STMN2: variants seen among roughly 807,000 people sequenced by gnomAD.
STMN2 encodes stathmin 2.
A neutral mutation model predicts 24.1 loss-of-function variants in STMN2; 2 were observed. The observed-to-expected ratio is 0.08, with a 90% CI of 0.03 to 0.26. The LOEUF (loss-of-function observed/expected upper bound fraction) is 0.26. Among genes scored for constraint, STMN2 ranks in the 10% least tolerant of loss-of-function variants. The pLI is 1.00. For synonymous variants in STMN2, 83 were observed against 77.5 expected (o/e 1.07, Z -0.37); for missense variants, 114 against 213.6 (o/e 0.53, Z 2.91).
At chr8:79,619,583 C>T (rs1431813237) in intron 1 of STMN2, among the ~76,000 whole-genome samples, 1 of 152,110 alleles carries the variant, frequency 6.6e-6, no homozygotes, top group Non-Finnish European at 1.5e-5. Context: ...CATTTCCAGA[C>T]TCTCGGGAAG....
intron 1 of STMN2, chr8:79,631,525 GAT>G (rs1253248054): frequency 3.6e-6 from 3 of 825,588 alleles, no homozygotes; most frequent in African/African-American, 1.9e-5. Context: ...GTGATCTTCT[GAT>G]ATGTTAAAAA....
intron 3 of STMN2, among the ~76,000 whole-genome samples, chr8:79,651,681 A>C (rs1213513283): frequency 6.6e-6 from 1 of 152,256 alleles, no homozygotes; most frequent in East Asian, 1.9e-4. Context: ...ACTTAATTGG[A>C]GCATCTGAAA....
In STMN2 at chr8:79,654,913, G is replaced by A. The variant is rs1010256456; in HGVS notation, c.331G>A (p.Glu111Lys). The A allele has an allele frequency of 3.1e-6, 5 of 1,613,740 alleles. No individual in the cohort carries two copies. The highest frequency in any genetic ancestry group is 4.2e-6 in the Non-Finnish European group (5 of 1,179,802). The change falls in exon 4 of 5, where the codon GAA becomes AAA. Residue 111 changes from glutamate (E) to lysine (K), a missense_variant. Physicochemically the swap from Glu to Lys is moderately conservative, Grantham distance 56 (BLOSUM62 1). Transcript: ENST00000220876. ...GCTGAAACAATTGGCAGAGAAGAGG[G>A]AACACGAGCGAGAAGTCCTTCAGAA... ...QVLKQLAEKREHEREVLQKAL... is the reference protein window; with the variant it reads ...QVLKQLAEKRKHEREVLQKAL...
chr8:79,655,110 C>T, intron 4 of STMN2, 48 bp downstream of exon 4: 8 of 1,588,848 alleles, frequency 5.0e-6, no homozygotes, highest in Non-Finnish European at 6.9e-6. Flanking sequence ...ATATGCAGCA[C>T]AGCTGGGTGA....
chr8:79,648,499 C>T (rs1254376024), intron 3 of STMN2, among the ~76,000 whole-genome samples: 1 of 136,856 alleles, frequency 7.3e-6, no homozygotes, highest in African/African-American at 2.8e-5. Flanking sequence ...CTCTGCCACT[C>T]AGGCTCAGGC....
intron 1 of STMN2, among the ~76,000 whole-genome samples, chr8:79,614,456 G>T (rs1809334391): frequency 1.3e-5 from 2 of 152,168 alleles, no homozygotes; most frequent in African/African-American, 4.8e-5. Flanking sequence ...TGAAAGAAAT[G>T]GCAGTAGTTT....
Position 79,654,915 on chromosome 8 carries a change from A to T in STMN2, c.333A>T (p.Glu111Asp). Residue 111 changes from glutamate to aspartate, a missense_variant, in exon 4 of 5, where the codon GAA becomes GAT. Transcript: ENST00000220876. ...QVLKQLAEKR[E>D]HEREVLQKAL... Reference sequence around the variant, plus strand: ...TGAAACAATTGGCAGAGAAGAGGGAACACGAGCGAGAAGTCCTTCAGAAGG... The same window carrying T: ...TGAAACAATTGGCAGAGAAGAGGGATCACGAGCGAGAAGTCCTTCAGAAGG... 6.2e-7 allele frequency: 1 copy of T among 1,613,798 alleles called. No homozygotes were observed. The highest frequency in any genetic ancestry group is 2.2e-5 in the East Asian group (1 of 44,828).
intron 1 of STMN2, among the ~76,000 whole-genome samples, chr8:79,622,021 T>C (rs1323681281): frequency 6.6e-6 from 1 of 152,150 alleles, no homozygotes; most frequent in Non-Finnish European, 1.5e-5. Context: ...TAAAATCCTA[T>C]GAAAATTAAA....
At chr8:79,635,213 T>G (rs1563439417) in intron 1 of STMN2, among the ~76,000 whole-genome samples, 1 of 151,896 alleles carries the variant, frequency 6.6e-6, no homozygotes, top group Non-Finnish European at 1.5e-5. Flanking sequence ...AGTGAAGGAT[T>G]GAGGAGGTGA....
intron 4 of STMN2, among the ~76,000 whole-genome samples, chr8:79,660,015 T>C (rs1208928935): frequency 2.0e-5 from 3 of 152,204 alleles, no homozygotes; most frequent in African/African-American, 7.2e-5. Context: ...CTTAATTAAA[T>C]TAGATAGTTA....
In STMN2 at chr8:79,611,165, C is replaced by T. The variant is rs1464826350; in HGVS notation, c.-31C>T. 1.9e-6 allele frequency: 3 copies of T among 1,613,974 alleles called. No individual in the cohort carries two copies. The highest frequency in any genetic ancestry group is 1.1e-5 in the South Asian group (1 of 91,048). On this transcript the variant is annotated 5_prime_UTR_variant, in exon 1 of 5. Transcript: ENST00000220876. ...CTGCTGTAGCCGGACCCTTTGCCTT[C>T]GCCACTGCTCAGCGTCTGCACATCC... is the stretch of plus-strand genomic sequence containing the variant.
At chr8:79,627,056 T>C (rs1372469509) in intron 1 of STMN2, among the ~76,000 whole-genome samples, 1 of 152,192 alleles carries the variant, frequency 6.6e-6, no homozygotes, top group African/African-American at 2.4e-5. Flanking sequence ...ATTTAGGAAT[T>C]GTCACCACAT....
intron 1 of STMN2, among the ~76,000 whole-genome samples, chr8:79,630,286 T>A (rs1193349636): frequency 6.6e-6 from 1 of 152,172 alleles, no homozygotes; most frequent in Non-Finnish European, 1.5e-5. Flanking sequence ...TATTTTGCAG[T>A]GTGATAAAAG....
intron 1 of STMN2, chr8:79,613,616 CGTT>C (rs1809305418): frequency 5.1e-6 from 5 of 985,416 alleles, no homozygotes; most frequent in Non-Finnish European, 6.0e-6. Context: ...CATTTCAAAT[CGTT>C]GTTATTATTT....
At position 79,664,866 on chromosome 8, in the gene STMN2, T is replaced by C; in HGVS notation, c.532T>C (p.Ser178Pro). 6.2e-7 allele frequency: 1 copy of C among 1,613,222 alleles called. No individual in the cohort carries two copies. The highest frequency in any genetic ancestry group is 8.5e-7 in the Non-Finnish European group (1 of 1,179,564). Residue 178 changes from serine to proline, a missense_variant, in exon 5 of 5, where the codon TCT (serine) becomes CCT (proline). Ser to Pro is a moderately conservative substitution (Grantham distance 74). Coordinates refer to ENST00000220876, the MANE Select transcript of STMN2 (RefSeq NM_007029.4). ...GAACAAGGAACTCCAGGTTGAACTG[T>C]CTGGCTGAAGCAAGGGAGGGTCTGG... ...RRNKELQVELSG is the reference protein window; with the variant it reads ...RRNKELQVELPG
chr8:79,612,008 G>T (rs955447163), intron 1 of STMN2, among the ~76,000 whole-genome samples: 2 of 152,108 alleles, frequency 1.3e-5, no homozygotes, highest in Non-Finnish European at 2.9e-5. Flanking sequence ...CCGGGGGGAG[G>T]CACCTGCAGC....
At chr8:79,654,549 T>C (rs1426654277) in intron 3 of STMN2, among the ~76,000 whole-genome samples, 1 of 152,220 alleles carries the variant, frequency 6.6e-6, no homozygotes, top group Non-Finnish European at 1.5e-5. Context: ...TGTAATTCAT[T>C]ATAGCATTTT....
chr8:79,631,554 G>A lies in STMN2; in HGVS notation c.20-5248G>A, dbSNP rs1809802312. 3 of 700,678 alleles carry A rather than the reference G, an allele frequency of 4.3e-6. No homozygotes were observed. The African/African-American group carries it at 5.8e-5, about 14-fold the overall frequency. The allele number at this position is 700,678 out of a possible 1,614,324, so 43.4% of individuals were successfully genotyped here. Reference sequence around the variant, plus strand: ...TGTTAAAAAGGGTATTTTAAAATCTGAGTTATTTCTTTTTCTTTTTAAAGT... The same window carrying A: ...TGTTAAAAAGGGTATTTTAAAATCTAAGTTATTTCTTTTTCTTTTTAAAGT... On this transcript the variant is annotated intron_variant, in intron 1 of 4. Transcript: ENST00000220876.
chr8:79,658,239 G>C (rs993018606), intron 4 of STMN2, among the ~76,000 whole-genome samples: 1 of 152,076 alleles, frequency 6.6e-6, no homozygotes, highest in African/African-American at 2.4e-5. Flanking sequence ...GTTCGAGACT[G>C]CACTCCAACC....
Sources: gnomAD v4.1 joint callset for allele counts (sites outside exome capture counted in the v4.1 genomes callset) on GRCh38, gnomAD v4.1.1 for gene constraint, MANE v1.5 for transcripts, NCBI Gene and HGNC (gene_info 2026-07-23, HGNC 2026-07-21) for gene names.